KPNA4: variants seen among roughly 807,000 people sequenced by gnomAD.
KPNA4 encodes the protein importin subunit alpha-3.
Under a neutral mutation model 71.3 loss-of-function variants are expected in KPNA4, and 13 were observed. The ratio of observed to expected loss-of-function variants is 0.18; its 90% confidence interval spans 0.12 to 0.29. The LOEUF (loss-of-function observed/expected upper bound fraction) is 0.29, where lower values mean the gene tolerates loss of function less well. Ranked by LOEUF, KPNA4 falls within the 10% of genes least tolerant of loss-of-function variation. The pLI is 1.00. For synonymous variants in KPNA4, 189 were observed against 195.2 expected (o/e 0.97, Z 0.26); for missense variants, 334 against 603.2 (o/e 0.55, Z 4.67).
At chr3:160,559,973 C>T (rs547087686) in intron 1 of KPNA4, among the ~76,000 whole-genome samples, 1 of 152,130 alleles carries the variant, frequency 6.6e-6, no homozygotes, top group East Asian at 1.9e-4. Flanking sequence ...TGTCTTTTAC[C>T]AAACCTAAAT....
intron 11 of KPNA4, among the ~76,000 whole-genome samples, chr3:160,520,508 AC>A (rs1209833590): frequency 1.3e-5 from 2 of 149,992 alleles, no homozygotes; most frequent in Non-Finnish European, 3.0e-5. Context: ...TGATCTGCCC[AC>A]CTCGGCCTCC....
chr3:160,503,047 G>T (rs984040802), intron 16 of KPNA4, among the ~76,000 whole-genome samples: 3 of 151,256 alleles, frequency 2.0e-5, no homozygotes, highest in African/African-American at 7.4e-5. Context: ...GGAGGCAGAG[G>T]TTGCAGTGAG....
intron 11 of KPNA4, among the ~76,000 whole-genome samples, chr3:160,521,064 G>C (rs1409922636): frequency 6.6e-6 from 1 of 152,024 alleles, no homozygotes; most frequent in Non-Finnish European, 1.5e-5. Flanking sequence ...CAACAATTTA[G>C]AAAGTCCCTA....
intron 1 of KPNA4, among the ~76,000 whole-genome samples, chr3:160,537,424 T>C (rs1334312664): frequency 6.6e-6 from 1 of 151,886 alleles, no homozygotes; most frequent in Non-Finnish European, 1.5e-5. Context: ...TTTTTCATGG[T>C]CACCCAATTT....
chr3:160,540,060 C>T (rs559883032), intron 1 of KPNA4, among the ~76,000 whole-genome samples: 4 of 141,254 alleles, frequency 2.8e-5, no homozygotes, highest in East Asian at 2.0e-4. Flanking sequence ...AGTACAGTAA[C>T]GGGATCTCGG....
chr3:160,502,487 CA>C (rs1334582622), intron 16 of KPNA4, among the ~76,000 whole-genome samples: 1 of 152,040 alleles, frequency 6.6e-6, no homozygotes, highest in East Asian at 1.9e-4. Flanking sequence ...CCTCCCACCT[CA>C]GCCTCCCGAG....
intron 12 of KPNA4, 133 bp from the exon 13 acceptor site, chr3:160,514,314 TC>T: frequency 1.7e-6 from 1 of 587,640 alleles, no homozygotes; most frequent in Non-Finnish European, 2.8e-6. Context: ...ATCTCAGGAA[TC>T]TCAATTCCTT....
chr3:160,516,415 CAAG>C (rs1721222573), intron 11 of KPNA4, among the ~76,000 whole-genome samples: 1 of 145,050 alleles, frequency 6.9e-6, no homozygotes, highest in Non-Finnish European at 1.5e-5. Context: ...AGTCAATAAA[CAAG>C]AAGGATAATT....
At chr3:160,548,428 GA>G (rs1414421965) in intron 1 of KPNA4, among the ~76,000 whole-genome samples, 1 of 151,988 alleles carries the variant, frequency 6.6e-6, no homozygotes, top group African/African-American at 2.4e-5. Flanking sequence ...TTGCAAAAAC[GA>G]AACACTACAT....
intron 1 of KPNA4, among the ~76,000 whole-genome samples, chr3:160,548,662 G>A (rs1034462461): frequency 1.3e-5 from 2 of 152,110 alleles, no homozygotes; most frequent in African/African-American, 4.8e-5. Context: ...ATATTCCACT[G>A]TATGTACATA....
At chr3:160,535,728 T>A in intron 3 of KPNA4, 38 bp from the exon 4 acceptor site, 1 of 1,572,260 alleles carries the variant, frequency 6.4e-7, no homozygotes, top group African/African-American at 1.4e-5. Flanking sequence ...AGTTAAAAAG[T>A]CACCTTAAAA....
At chr3:160,540,453 C>T (rs1435004468) in intron 1 of KPNA4, among the ~76,000 whole-genome samples, 2 of 152,110 alleles carry the variant, frequency 1.3e-5, no homozygotes, top group Non-Finnish European at 2.9e-5. Flanking sequence ...AGAAACTTTG[C>T]AAAATAAGAG....
intron 1 of KPNA4, among the ~76,000 whole-genome samples, chr3:160,556,410 A>G (rs189175984): frequency 5.3e-4 from 81 of 152,172 alleles, no homozygotes; most frequent in Middle Eastern, 3.4e-3. Flanking sequence ...CTGCCATCCT[A>G]GTGGGTGTAA....
rs1720778821 is a variant in KPNA4, at chr3:160,497,080, T to C, written c.*5024A>G. ...AAATTTGCTTCTGATCACACTAGAA[T>C]AGTTTTACCAATGTTCATTATTTTT... On this transcript the variant is annotated 3_prime_UTR_variant, in exon 17 of 17. Coordinates refer to ENST00000334256, the MANE Select transcript of KPNA4 (RefSeq NM_002268.5). The C allele has an allele frequency of 6.6e-6, 1 of 152,222 alleles. No homozygotes were observed. Among genetic ancestry groups the C allele is most frequent in the Non-Finnish European group, 1.5e-5 (1 of 68,044 alleles). 9.4% of individuals were successfully genotyped at this position (152,222 alleles called of 1,614,324 possible).
At chr3:160,517,999 T>G (rs939985292) in intron 11 of KPNA4, among the ~76,000 whole-genome samples, 35 of 152,340 alleles carry the variant, frequency 2.3e-4, no homozygotes, top group African/African-American at 8.2e-4. Flanking sequence ...ATTCTTTTTC[T>G]TTGGTTGCTT....
chr3:160,533,448 TAA>T (rs202042106), intron 5 of KPNA4, among the ~76,000 whole-genome samples: 3 of 143,244 alleles, frequency 2.1e-5, no homozygotes, highest in African/African-American at 2.6e-5. Context: ...AGTGGAAATT[TAA>T]AAAAAAAAAA....
chr3:160,507,659 A>C (rs557299325), intron 15 of KPNA4, among the ~76,000 whole-genome samples: 1 of 152,282 alleles, frequency 6.6e-6, no homozygotes, highest in South Asian at 2.1e-4. Flanking sequence ...TCATGGTGTT[A>C]TCTCTGCCTG....
In KPNA4 at chr3:160,509,869, C is replaced by T. The variant is rs1393419113; in HGVS notation, c.1140G>A (p.Gly380=). ...CAGCTTCTTTTTGAGTGCCAAAATC[C>T]CCCTGTAAAAAGGCAAAACAAAGGC... ...VPMIIHLLDK[G]DFGTQKEAAW... is the part of the protein sequence containing the mutation. Residue 380 remains glycine (G), a splice_region_variant and synonymous_variant, in exon 14 of 17, where the codon GGG becomes GGA. Transcript: ENST00000334256. 6.2e-7 allele frequency: 1 copy of T among 1,610,410 alleles called. No homozygotes were observed. Among genetic ancestry groups the T allele is most frequent in the African/African-American group, 1.3e-5 (1 of 74,832 alleles).
chr3:160,501,516 C>T lies in KPNA4; in HGVS notation c.*588G>A, dbSNP rs1414888794. 3 of 152,640 alleles carry T rather than the reference C, an allele frequency of 2.0e-5. No homozygotes were observed. Among genetic ancestry groups the T allele is most frequent in the South Asian group, 2.1e-4 (1 of 4,834 alleles). The allele number at this position is 152,640 out of a possible 1,614,324, so 9.5% of individuals were successfully genotyped here. ...TTGCATGCGTTCACATACAGCACCA[C>T]AACCACGCTCTCGTACACAGTCACT... On this transcript the variant is annotated 3_prime_UTR_variant, in exon 17 of 17. Coordinates refer to ENST00000334256, the MANE Select transcript of KPNA4 (RefSeq NM_002268.5).
Sources: allele counts gnomAD v4.1 joint callset (sites outside exome capture counted in the v4.1 genomes callset), GRCh38; gene constraint gnomAD v4.1.1; transcripts MANE v1.5; gene names NCBI Gene and HGNC (gene_info 2026-07-23, HGNC 2026-07-21).